Variants in EVI5 observed in about 807,000 individuals in gnomAD.
The protein encoded by EVI5 is ecotropic viral integration site 5.
In EVI5, 73 loss-of-function variants were observed where a neutral mutation model predicts 112.0. The ratio of observed to expected loss-of-function variants is 0.65; its 90% CI spans 0.54 to 0.79. EVI5 has a LOEUF of 0.79. Among genes scored for constraint, EVI5 ranks in the 30% least tolerant of loss-of-function variants. The pLI is 0.00. For synonymous variants in EVI5, 305 were observed against 319.9 expected, an observed-to-expected ratio of 0.95 and a Z score of 0.50; for missense variants, 900 against 968.8, an observed-to-expected ratio of 0.93 and a Z score of 0.94.
At chr1:92,718,932 A>G (rs1674264380) in intron 2 of EVI5, among the ~76,000 whole-genome samples, 1 of 152,218 alleles carries the variant, frequency 6.6e-6, no homozygotes, top group Non-Finnish European at 1.5e-5. Flanking sequence ...GTGCAAATAA[A>G]CAAGAAAAAT....
In EVI5 at chr1:92,792,054, G is replaced by A. The variant is rs533895822; in HGVS notation, c.51+290C>T. Among the ~76,000 whole-genome samples the A allele has an allele frequency of 1.3e-4, 20 of 152,336 alleles. 1 individual carries two copies. The highest frequency in any genetic ancestry group is 4.8e-4 in the African/African-American group (20 of 41,572). The stretch of plus-strand genomic sequence containing the variant: ...AAACAGCAGCCAATTACAGCTAGGA[G>A]AGAATTGCGGCAAGTGTTGAATTAC... On this transcript the variant is annotated intron_variant, in intron 1 of 17. Coordinates refer to the EVI5 transcript ENST00000370331.
chr1:92,691,905 G>C (rs1669560556), intron 9 of EVI5, among the ~76,000 whole-genome samples: 1 of 152,164 alleles, frequency 6.6e-6, no homozygotes, highest in South Asian at 2.1e-4. Flanking sequence ...AAGGGGATGG[G>C]AGTTTGGGAA....
intron 19 of EVI5, among the ~76,000 whole-genome samples, chr1:92,560,800 A>C (rs1194303181): frequency 6.6e-6 from 1 of 151,828 alleles, no homozygotes; most frequent in Non-Finnish European, 1.5e-5. Context: ...CCTGGGCTAA[A>C]GTGACCCTCC....
At chr1:92,617,483 A>G (rs1031925058) in intron 16 of EVI5, among the ~76,000 whole-genome samples, 26 of 152,260 alleles carry the variant, frequency 1.7e-4, no homozygotes, top group African/African-American at 6.0e-4. Context: ...TTAATTATTG[A>G]GTGGATAAGA....
intron 1 of EVI5, among the ~76,000 whole-genome samples, chr1:92,759,859 T>A (rs6691772): frequency 8.1e-6 from 1 of 123,782 alleles, no homozygotes; most frequent in Non-Finnish European, 1.6e-5. Flanking sequence ...ACAAATACCC[T>A]CCCCCCCACA....
chr1:92,648,575 C>T lies in EVI5; in HGVS notation c.1393-12239G>A, dbSNP rs138450411. ...CTTCTGGAAACCACTAATCTGTGTTCTGTTCTCTTTAGATTTATCTATTCT... is the reference window on the plus strand; with the variant it reads ...CTTCTGGAAACCACTAATCTGTGTTTTGTTCTCTTTAGATTTATCTATTCT... On this transcript the variant is annotated intron_variant, in intron 13 of 19. Coordinates refer to ENST00000684568, the MANE Select transcript of EVI5 (RefSeq NM_001350197.2). 6.9e-3 allele frequency among the ~76,000 whole-genome samples: 1,045 copies of T among 152,154 alleles called. 5 individuals carry two copies. The highest frequency in any genetic ancestry group is 0.012 in the Admixed American group (177 of 15,288).
chr1:92,663,927 T>C (rs75245525), intron 11 of EVI5, among the ~76,000 whole-genome samples: 1 of 152,306 alleles, frequency 6.6e-6, no homozygotes, highest in African/African-American at 2.4e-5. Context: ...TTAAAATTTT[T>C]TGTAGAGATA....
intron 18 of EVI5, among the ~76,000 whole-genome samples, chr1:92,577,766 T>A (rs1195587131): frequency 6.6e-6 from 1 of 152,230 alleles, no homozygotes; most frequent in Admixed American, 6.5e-5. Flanking sequence ...ATTTTGCTCA[T>A]GAGACATTGC....
intron 1 of EVI5, among the ~76,000 whole-genome samples, chr1:92,753,777 T>C (rs958585057): frequency 2.0e-5 from 3 of 152,212 alleles, no homozygotes; most frequent in Non-Finnish European, 4.4e-5. Context: ...TATAATTAGA[T>C]ATAATCCTCT....
At position 92,513,769 on chromosome 1, in the gene EVI5, C is replaced by G. The variant is rs1210286281; in HGVS notation, c.2368G>C (p.Asp790His). Residue 790 changes from aspartate (D) to histidine (H), a missense_variant, in exon 20 of 20, where the codon GAT (aspartate) becomes CAT (histidine). Physicochemically the swap from Asp to His is moderately conservative, Grantham distance 81 (BLOSUM62 -1). Transcript: ENST00000684568. ...GSMSLDPAVA[D>H]GSESETEDSV... ...TCTTCTGTTTCGCTCTCACTACCAT[C>G]TGCCACTGCGGGGTCCAAAGACATC... The G allele has an allele frequency of 6.2e-7, 1 of 1,613,678 alleles. No homozygotes were observed. The highest frequency in any genetic ancestry group is 8.5e-7 in the Non-Finnish European group (1 of 1,179,944).
chr1:92,664,250 T>C (rs1300665916), intron 11 of EVI5, among the ~76,000 whole-genome samples: 1 of 152,168 alleles, frequency 6.6e-6, no homozygotes, highest in Non-Finnish European at 1.5e-5. Context: ...ACTTAAACTT[T>C]AGCAATAACT....
chr1:92,785,521 A>T (rs2103135228), upstream of EVI5, among the ~76,000 whole-genome samples: 1 of 152,310 alleles, frequency 6.6e-6, no homozygotes, highest in Non-Finnish European at 1.5e-5. Context: ...GGGCACTCGC[A>T]AAAACAATAA....
chr1:92,738,938 C>A (rs1558179043), intron 1 of EVI5, among the ~76,000 whole-genome samples: 1 of 151,928 alleles, frequency 6.6e-6, no homozygotes, highest in Non-Finnish European at 1.5e-5. Context: ...TCACAAAGTT[C>A]CTGTCTATCT....
chr1:92,735,633 A>AT (rs1306617137), intron 2 of EVI5, among the ~76,000 whole-genome samples: 1 of 32,940 alleles, frequency 3.0e-5, no homozygotes, highest in Non-Finnish European at 5.9e-5. Flanking sequence ...GATATATGAT[A>AT]TATGTCATAT....
chr1:92,697,759 T>G (rs955177849), intron 6 of EVI5, 101 bp downstream of exon 6: 2 of 922,370 alleles, frequency 2.2e-6, no homozygotes, highest in Non-Finnish European at 3.3e-6. Flanking sequence ...CTTCTTCAAG[T>G]GCTTTAATGC....
intron 16 of EVI5, among the ~76,000 whole-genome samples, chr1:92,617,253 T>C (rs1325524016): frequency 1.3e-5 from 2 of 152,176 alleles, no homozygotes; most frequent in South Asian, 2.1e-4. Flanking sequence ...TGCATGGAAG[T>C]AGAAATGGCC....
chr1:92,549,329 C>T (rs1192708449), intron 19 of EVI5, among the ~76,000 whole-genome samples: 24 of 152,134 alleles, frequency 1.6e-4, no homozygotes, highest in Non-Finnish European at 2.9e-5. Context: ...CTTCCTTACA[C>T]CTTATACTAA....
chr1:92,555,579 G>A (rs1667547113), intron 19 of EVI5, among the ~76,000 whole-genome samples: 1 of 152,166 alleles, frequency 6.6e-6, no homozygotes, highest in Non-Finnish European at 1.5e-5. Flanking sequence ...GCCGGGCGTG[G>A]TGGCTCATGC....
chr1:92,696,901 G>A (rs189863414), intron 6 of EVI5, among the ~76,000 whole-genome samples: 191 of 152,096 alleles, frequency 1.3e-3, no homozygotes, highest in African/African-American at 4.4e-3. Flanking sequence ...TTAGCTGGGC[G>A]TGGTGGCAGG....
Sources: allele counts gnomAD v4.1 joint callset (sites outside exome capture counted in the v4.1 genomes callset), GRCh38; gene constraint gnomAD v4.1.1; transcripts MANE v1.5; gene names NCBI Gene and HGNC (gene_info 2026-07-23, HGNC 2026-07-21).